MYO5C: variants seen among roughly 807,000 people sequenced by gnomAD.
The protein encoded by MYO5C is myosin VC.
Under a neutral mutation model 235.7 loss-of-function variants are expected in MYO5C, and 194 were observed. That is an observed-to-expected ratio of 0.82 (90% CI 0.73 to 0.93). MYO5C has a LOEUF of 0.93. Ranked by LOEUF, MYO5C falls within the 40% of genes least tolerant of loss-of-function variation. The pLI is 0.00. For missense variants in MYO5C, 2,038 were observed against 2,127.2 expected, an observed-to-expected ratio of 0.96 and a Z score of 0.82; for synonymous variants, 707 against 754.8, an observed-to-expected ratio of 0.94 and a Z score of 1.04.
chr15:52,288,373 T>C (rs2037320245), intron 1 of MYO5C, among the ~76,000 whole-genome samples: 3 of 152,150 alleles, frequency 2.0e-5, no homozygotes, highest in Admixed American at 2.0e-4. Flanking sequence ...AAAGTGGTAT[T>C]AAATGGCAGG....
At chr15:52,289,777 A>G (rs2037350085) in intron 1 of MYO5C, among the ~76,000 whole-genome samples, 1 of 152,132 alleles carries the variant, frequency 6.6e-6, no homozygotes, top group Non-Finnish European at 1.5e-5. Flanking sequence ...CAACCCCCAC[A>G]TGGGTTTTGA....
chr15:52,259,434 G>GA (rs1308134431), intron 10 of MYO5C, among the ~76,000 whole-genome samples: 3 of 121,020 alleles, frequency 2.5e-5, no homozygotes, highest in African/African-American at 9.0e-5. Flanking sequence ...AAAAAAAAAA[G>GA]AAAAAAAAGA....
chr15:52,233,986 C>G (rs1277703028), intron 23 of MYO5C, among the ~76,000 whole-genome samples: 3 of 152,158 alleles, frequency 2.0e-5, no homozygotes, highest in African/African-American at 4.8e-5. Flanking sequence ...ATCAAAATGA[C>G]TGCTTCAGAA....
At chr15:52,223,263 C>A (rs543593064) in intron 29 of MYO5C, among the ~76,000 whole-genome samples, 57 of 152,168 alleles carry the variant, frequency 3.7e-4, no homozygotes, top group Middle Eastern at 3.4e-3. Flanking sequence ...GGGGTTAGGG[C>A]TTGATTTAAA....
chr15:52,217,370 A>G (rs938603195), intron 32 of MYO5C, among the ~76,000 whole-genome samples: 6 of 152,204 alleles, frequency 3.9e-5, no homozygotes, highest in Non-Finnish European at 7.3e-5. Context: ...GAACTCATAA[A>G]TCCGTCACAA....
chr15:52,269,694 ATTTT>A, intron 8 of MYO5C, 55 bp downstream of exon 8: 3 of 1,015,498 alleles, frequency 3.0e-6, no homozygotes, highest in South Asian at 1.5e-5. Flanking sequence ...CCTGGCCTTA[ATTTT>A]TTTTTTTTTT....
chr15:52,274,993 T>C (rs2037009603), intron 5 of MYO5C, among the ~76,000 whole-genome samples: 1 of 152,230 alleles, frequency 6.6e-6, no homozygotes, highest in Non-Finnish European at 1.5e-5. Context: ...TGCCTCTTCT[T>C]CCTTGAGGGC....
intron 24 of MYO5C, among the ~76,000 whole-genome samples, chr15:52,230,507 C>T (rs2141299461): frequency 6.6e-6 from 1 of 151,970 alleles, no homozygotes; most frequent in East Asian, 1.9e-4. Context: ...CCCCCGGGTT[C>T]AAGTGATTCT....
At chr15:52,288,259 T>C (rs1433292974) in intron 1 of MYO5C, among the ~76,000 whole-genome samples, 6 of 152,238 alleles carry the variant, frequency 3.9e-5, no homozygotes, top group Admixed American at 3.9e-4. Context: ...TCCGTATTAG[T>C]TAAGCGAATC....
intron 1 of MYO5C, among the ~76,000 whole-genome samples, chr15:52,286,192 C>T (rs1051175574): frequency 6.6e-6 from 1 of 151,594 alleles, no homozygotes; most frequent in Non-Finnish European, 1.5e-5. Flanking sequence ...AGTGTCTCCG[C>T]CCGGCAGCCG....
intron 28 of MYO5C, among the ~76,000 whole-genome samples, chr15:52,224,505 G>T (rs2035775591): frequency 1.3e-5 from 2 of 152,144 alleles, no homozygotes; most frequent in Admixed American, 1.3e-4. Flanking sequence ...GTGTGTGGTG[G>T]CAGGGATATA....
intron 12 of MYO5C, among the ~76,000 whole-genome samples, chr15:52,252,999 A>C (rs1399812904): frequency 1.3e-5 from 2 of 152,248 alleles, no homozygotes; most frequent in Non-Finnish European, 2.9e-5. Flanking sequence ...CTCAATTCTT[A>C]TTAGTCACCG....
In MYO5C at chr15:52,242,870, G is replaced by C. The variant is rs536347917; in HGVS notation, c.2391-657C>G. On this transcript the variant is annotated intron_variant, in intron 19 of 40. Transcript: ENST00000261839. Reference sequence around the variant, plus strand: ...GCTGGAAAAGGCTTTCAGGATAAGGGACCAGCATGAGTAAAGGCATGGAGG... The same window carrying C: ...GCTGGAAAAGGCTTTCAGGATAAGGCACCAGCATGAGTAAAGGCATGGAGG... The C allele has an allele frequency of 2.6e-5, 4 of 152,386 alleles. No individual in the cohort carries two copies. The East Asian group carries it at 7.7e-4, about 29-fold the overall frequency. 9.4% of individuals were successfully genotyped at this position (152,386 alleles called of 1,614,324 possible).
chr15:52,276,635 A>T (rs1356925272), intron 4 of MYO5C, among the ~76,000 whole-genome samples: 1 of 152,228 alleles, frequency 6.6e-6, no homozygotes, highest in East Asian at 1.9e-4. Flanking sequence ...CCTTGCAAGC[A>T]GGCCTCTAAA....
At chr15:52,245,778 C>T (rs2036327312) in intron 17 of MYO5C, among the ~76,000 whole-genome samples, 178 bp downstream of exon 17, 1 of 152,216 alleles carries the variant, frequency 6.6e-6, no homozygotes, top group African/African-American at 2.4e-5. Context: ...GACCTCCGAC[C>T]CCTACAAAGC....
At chr15:52,239,650 T>C (rs535942362) in intron 21 of MYO5C, 83 bp downstream of exon 21, 3 of 1,436,174 alleles carry the variant, frequency 2.1e-6, no homozygotes, top group South Asian at 2.8e-5. Flanking sequence ...TAAATTTTAA[T>C]AGCACAGCTA....
Position 52,245,375 on chromosome 15 carries a change from C to A in MYO5C, c.2157G>T (p.Val719=), listed in dbSNP as rs1346187952. The change falls in exon 18 of 41, where the codon GTG becomes GTT. Residue 719 remains valine (V), a synonymous_variant. Transcript: ENST00000261839. ...TGACCTGGATGAGTCTGTGTAAAAC[C>A]ACCTTGCACACCTCCTTTTTATCGC... ...SFSDKKEVCK[V]VLHRLIQDSN... The A allele has an allele frequency of 6.2e-7, 1 of 1,613,882 alleles. No individual in the cohort carries two copies. Among genetic ancestry groups the A allele is most frequent in the Non-Finnish European group, 8.5e-7 (1 of 1,179,872 alleles).
chr15:52,269,714 G>T, intron 8 of MYO5C, 39 bp downstream of exon 8: 28 of 1,287,838 alleles, frequency 2.2e-5, no homozygotes, highest in Non-Finnish European at 2.7e-5. Flanking sequence ...TTTTTTAAGA[G>T]AAAATGGCTA....
chr15:52,262,191 T>C (rs547762812), intron 9 of MYO5C, among the ~76,000 whole-genome samples: 1 of 152,316 alleles, frequency 6.6e-6, no homozygotes, highest in African/African-American at 2.4e-5. Flanking sequence ...GATGGCTTTG[T>C]CCAAATTTAA....
Sources: gnomAD v4.1 joint callset for allele counts (sites outside exome capture counted in the v4.1 genomes callset) on GRCh38, gnomAD v4.1.1 for gene constraint, MANE v1.5 for transcripts, NCBI Gene and HGNC (gene_info 2026-07-23, HGNC 2026-07-21) for gene names.